The following FRAS1 variants were observed in gnomAD, a reference collection of about 807,000 sequenced individuals.
The protein encoded by FRAS1 is extracellular matrix organizing protein FRAS1.
In FRAS1, 290 loss-of-function variants were observed where a neutral mutation model predicts 435.2. That is an observed-to-expected ratio of 0.67 (90% CI 0.61 to 0.73). The LOEUF is 0.73. Among genes scored for constraint, FRAS1 ranks in the 30% least tolerant of loss-of-function variants. FRAS1 has a pLI of 0.00. For missense variants in FRAS1, 4,860 were observed against 5,001.5 expected, an observed-to-expected ratio of 0.97 and a Z score of 0.85; for synonymous variants, 1,800 against 1,851.0, an observed-to-expected ratio of 0.97 and a Z score of 0.71.
chr4:78,066,609 C>G (rs1027976795), intron 2 of FRAS1, among the ~76,000 whole-genome samples: 2 of 152,168 alleles, frequency 1.3e-5, no homozygotes, highest in Non-Finnish European at 2.9e-5. Context: ...CACTATGGTG[C>G]ATAACAGTGT....
chr4:78,272,231 A>T (rs1726739481), intron 9 of FRAS1, among the ~76,000 whole-genome samples: 2 of 152,084 alleles, frequency 1.3e-5, no homozygotes, highest in Admixed American at 1.3e-4. Flanking sequence ...AGATGAGTAG[A>T]TTGCAAAAAT....
At chr4:78,477,669 G>A in intron 54 of FRAS1, 146 bp from the exon 55 acceptor site, 1 of 956,436 alleles carries the variant, frequency 1.0e-6, no homozygotes, top group South Asian at 1.8e-5. Context: ...AGGTGATGCA[G>A]CAGGGAACCA....
intron 35 of FRAS1, 117 bp downstream of exon 35, chr4:78,424,537 A>T: frequency 2.1e-6 from 1 of 473,764 alleles, no homozygotes; most frequent in Non-Finnish European, 3.7e-6. Context: ...CTTAAAAATT[A>T]TATAATTTTT....
intron 29 of FRAS1, among the ~76,000 whole-genome samples, chr4:78,394,063 A>T (rs941497301): frequency 6.6e-6 from 1 of 151,534 alleles, no homozygotes; most frequent in African/African-American, 2.4e-5. Flanking sequence ...AATTATTTGA[A>T]TTTTTTTGCT....
At chr4:78,474,161 A>T (rs1043994862) in intron 53 of FRAS1, among the ~76,000 whole-genome samples, 2 of 152,210 alleles carry the variant, frequency 1.3e-5, no homozygotes, top group Admixed American at 6.5e-5. Context: ...TTTGGTAGGA[A>T]TGTATATCTG....
intron 31 of FRAS1, among the ~76,000 whole-genome samples, chr4:78,409,878 T>C (rs1389368638): frequency 6.6e-6 from 1 of 152,238 alleles, no homozygotes; most frequent in Non-Finnish European, 1.5e-5. Flanking sequence ...ATGCCTGGCA[T>C]GTACATCTTC....
intron 3 of FRAS1, among the ~76,000 whole-genome samples, chr4:78,240,153 G>A (rs980354967): frequency 6.6e-6 from 1 of 152,116 alleles, no homozygotes; most frequent in African/African-American, 2.4e-5. Flanking sequence ...GTAGTATGGA[G>A]TTTGGAATTT....
At chr4:78,511,867 A>G (rs1212110603) in intron 64 of FRAS1, among the ~76,000 whole-genome samples, 1 of 152,156 alleles carries the variant, frequency 6.6e-6, no homozygotes, top group Admixed American at 6.5e-5. Context: ...ACTGCATGGC[A>G]TCTCTTCTAG....
chr4:78,077,250 T>C (rs28566614), intron 2 of FRAS1, among the ~76,000 whole-genome samples: 23,823 of 151,818 alleles, frequency 0.16, 2,132 homozygotes, highest in African/African-American at 0.24. Context: ...TGTGCCTATC[T>C]TCTCAGCTAC....
rs1428337505 is a variant in FRAS1 at position 78,450,228 on chromosome 4, A to G, written c.6352A>G (p.Met2118Val). 2 of 1,613,740 alleles carry G rather than the reference A, an allele frequency of 1.2e-6. No individual in the cohort carries two copies. The highest frequency in any genetic ancestry group is 1.7e-6 in the Non-Finnish European group (2 of 1,179,798). ...AGATGACCATCAGGTTATGTACATC[A>G]TGAAGGAAGATCCTGGTGCAGGGCG... ...DSDDHQVMYI[M>V]KEDPGAGRLQ... is the part of the protein sequence containing the mutation. The change falls in exon 45 of 74, where the codon ATG becomes GTG. Residue 2118 changes from methionine to valine, a missense_variant. Coordinates refer to ENST00000512123, the MANE Select transcript of FRAS1 (RefSeq NM_025074.7).
intron 2 of FRAS1, among the ~76,000 whole-genome samples, chr4:78,183,131 G>A (rs77688236): frequency 0.025 from 3,832 of 152,254 alleles, 147 homozygotes; most frequent in African/African-American, 0.081. Context: ...GAGTTGTAGT[G>A]GGTCAAGCCA....
At chr4:78,232,192 C>T (rs1189249740) in intron 2 of FRAS1, among the ~76,000 whole-genome samples, 1 of 152,130 alleles carries the variant, frequency 6.6e-6, no homozygotes, top group Non-Finnish European at 1.5e-5. Context: ...ACCTGAAAAA[C>T]ATGGCCATCT....
intron 24 of FRAS1, among the ~76,000 whole-genome samples, chr4:78,373,804 C>T (rs967392862): frequency 6.6e-5 from 10 of 151,868 alleles, no homozygotes; most frequent in East Asian, 5.8e-4. Flanking sequence ...ATAGTAATAG[C>T]TGCTGATATC....
At chr4:78,250,090 T>G (rs1271016267) in intron 4 of FRAS1, among the ~76,000 whole-genome samples, 2 of 152,044 alleles carry the variant, frequency 1.3e-5, no homozygotes, top group Non-Finnish European at 2.9e-5. Context: ...AATTTTGACT[T>G]TAAGATATAT....
intron 66 of FRAS1, among the ~76,000 whole-genome samples, chr4:78,517,783 G>A (rs1454840628): frequency 2.0e-5 from 3 of 152,008 alleles, no homozygotes; most frequent in Admixed American, 1.3e-4. Context: ...ATATCATGAG[G>A]GCTAAAGGAG....
chr4:78,465,356 T>C (rs191625828), intron 49 of FRAS1, among the ~76,000 whole-genome samples: 207 of 152,318 alleles, frequency 1.4e-3, no homozygotes, highest in Middle Eastern at 6.8e-3. Flanking sequence ...GAACATATTA[T>C]ATCAGATACA....
intron 2 of FRAS1, among the ~76,000 whole-genome samples, chr4:78,128,347 G>C (rs1396029465): frequency 2.0e-5 from 3 of 152,124 alleles, no homozygotes; most frequent in Non-Finnish European, 4.4e-5. Flanking sequence ...CACAATGGTT[G>C]AACTAGTTTA....
At chr4:78,311,266 A>G (rs1729008138) in intron 15 of FRAS1, among the ~76,000 whole-genome samples, 1 of 145,514 alleles carries the variant, frequency 6.9e-6, no homozygotes, top group Admixed American at 6.9e-5. Context: ...TTTTATTTTT[A>G]TGAGCTTATC....
intron 29 of FRAS1, among the ~76,000 whole-genome samples, chr4:78,391,146 C>G (rs1208564530): frequency 6.6e-6 from 1 of 152,152 alleles, no homozygotes; most frequent in Non-Finnish European, 1.5e-5. Flanking sequence ...CCTTGGGGCA[C>G]CTCTGTGATA....
Sources: allele counts gnomAD v4.1 joint callset (sites outside exome capture counted in the v4.1 genomes callset), GRCh38; gene constraint gnomAD v4.1.1; transcripts MANE v1.5; gene names NCBI Gene and HGNC (gene_info 2026-07-23, HGNC 2026-07-21).